The following SP9 variants were observed in gnomAD, a reference collection of about 807,000 sequenced individuals.
SP9 encodes the protein Sp9 transcription factor.
A neutral mutation model predicts 23.0 loss-of-function variants in SP9; 5 were observed. That is an observed-to-expected ratio of 0.22 (90% CI 0.11 to 0.46). The LOEUF (loss-of-function observed/expected upper bound fraction) is 0.46, where lower values mean the gene tolerates loss of function less well. Ranked by LOEUF, SP9 falls within the 20% of genes least tolerant of loss-of-function variation. The pLI, the probability that SP9 is intolerant of heterozygous loss-of-function variation, is 0.99. For missense variants in SP9, 542 were observed against 724.0 expected (o/e 0.75, Z 2.88); for synonymous variants, 360 against 356.5 (o/e 1.01, Z -0.11).
chr2:174,335,343 A>C (rs1242880509), intron 1 of SP9: 5 of 510,258 alleles, frequency 9.8e-6, no homozygotes, highest in Non-Finnish European at 1.8e-5. Flanking sequence ...ATTTGGTTTC[A>C]AAAAAAAGCT....
chr2:174,336,851 G>A lies in SP9; in HGVS notation c.766G>A (p.Ala256Thr). Residue 256 changes from alanine (A) to threonine (T), a missense_variant, in exon 2 of 2, where the codon GCC (alanine) becomes ACC (threonine). Coordinates refer to ENST00000394967, the MANE Select transcript of SP9 (RefSeq NM_001145250.2). ...GCTCTCCACCAGCCAGCACCTGCTG[G>A]CCCAGGACGGCTTCAAGCCGGTGTT... is the stretch of plus-strand genomic sequence containing the variant. ...HLLSTSQHLL[A>T]QDGFKPVLPS... is the part of the protein sequence containing the mutation. 1 of 1,522,932 alleles carries A rather than the reference G, an allele frequency of 6.6e-7. No individual in the cohort carries two copies. The highest frequency in any genetic ancestry group is 1.2e-5 in the South Asian group (1 of 82,624). 94.3% of individuals were successfully genotyped at this position (1,522,932 alleles called of 1,614,324 possible).
At position 174,338,089 on chromosome 2, in the gene SP9, C is replaced by G. The variant is rs1684449586; in HGVS notation, c.*549C>G. On this transcript the variant is annotated 3_prime_UTR_variant, in exon 2 of 2. Transcript: ENST00000394967. ...GGATTATATTATATATAAAATGCTC[C>G]AAGTCCTGCCTGATATCTACTTACA... is the stretch of plus-strand genomic sequence containing the variant. 1 of 152,152 alleles carries G rather than the reference C, an allele frequency of 6.6e-6. No individual in the cohort carries two copies. The highest frequency in any genetic ancestry group is 2.4e-5 in the African/African-American group (1 of 41,432). The allele number at this position is 152,152 out of a possible 1,614,324, so 9.4% of individuals were successfully genotyped here.
Position 174,337,692 on chromosome 2 carries a change from TC to T in SP9, c.*155del, listed in dbSNP as rs1371115396. 2.1e-6 allele frequency: 2 copies of T among 971,582 alleles called. No homozygotes were observed. Among genetic ancestry groups the T allele is most frequent in the African/African-American group, 3.5e-5 (2 of 56,586 alleles). The allele number at this position is 971,582 out of a possible 1,614,324, so 60.2% of individuals were successfully genotyped here. A position where few individuals can be genotyped will look rare whatever the true frequency, so the allele number is the denominator to read the frequency against. ...GGCGCGAGGTGGAGCCGCTCAGGGC[TC>T]CCGGGCTGCGGTTCGCCCGCTGTGC... is the stretch of plus-strand genomic sequence containing the variant. On this transcript the variant is annotated 3_prime_UTR_variant, in exon 2 of 2. Transcript: ENST00000394967.
Position 174,336,716 on chromosome 2 carries a change from G to C in SP9, c.631G>C (p.Ala211Pro). 1 of 1,527,054 alleles carries C rather than the reference G, an allele frequency of 6.5e-7. No individual in the cohort carries two copies. The allele number at this position is 1,527,054 out of a possible 1,614,324, so 94.6% of individuals were successfully genotyped here. The change falls in exon 2 of 2, where the codon GCC becomes CCC. Residue 211 changes from alanine (A) to proline (P), a missense_variant. Around this residue, in one of 8 missense-constraint regions of SP9, gnomAD observed 144 missense variants for 158.7 expected, o/e 0.91. Transcript: ENST00000394967. ...CTCGCTGCACTCGGGCGCCCCCCAG[G>C]CCTCGCTGCACTCGCAGCTGGGCAC... The part of the protein sequence containing the change: ...QSSLHSGAPQ[A>P]SLHSQLGTYN...
At chr2:174,336,034 T>G (rs1414449761) in intron 1 of SP9, 73 bp from the exon 2 acceptor site, 1 of 1,413,642 alleles carries the variant, frequency 7.1e-7, no homozygotes, top group Non-Finnish European at 9.6e-7. Context: ...TGCTCACGGG[T>G]GCACTTTGTT....
At position 174,336,964 on chromosome 2, in the gene SP9, G is replaced by C. The variant is rs1425999243; in HGVS notation, c.879G>C (p.Gly293=). 6 of 1,436,316 alleles carry C rather than the reference G, an allele frequency of 4.2e-6. No homozygotes were observed. In the South Asian group the frequency reaches 7.3e-5, roughly 17 times the overall value. The allele number at this position is 1,436,316 out of a possible 1,614,324, so 89.0% of individuals were successfully genotyped here. A position where few individuals can be genotyped will look rare whatever the true frequency, so the allele number is the denominator to read the frequency against. ...ISGAAAAAAG[G]SSARSARRYS... ...GCGCCGCGGCTGCCGCCGCCGGGGG[G>C]AGCTCGGCACGCTCTGCCCGCCGCT... The change falls in exon 2 of 2, where the codon GGG becomes GGC. Residue 293 remains glycine, a synonymous_variant. Transcript: ENST00000394967.
chr2:174,336,511 C>A lies in SP9; in HGVS notation c.426C>A (p.Ala142=). ...TTTCCAAGGTGCACACGACGGCAGC[C>A]GACGGGCTGTACCCGCGCGTGGGCA... ...AFISKVHTTA[A]DGLYPRVGMA... The change falls in exon 2 of 2, where the codon GCC becomes GCA. Residue 142 remains alanine (A), a synonymous_variant. Coordinates refer to ENST00000394967, the MANE Select transcript of SP9 (RefSeq NM_001145250.2). 1 of 1,465,364 alleles carries A rather than the reference C, an allele frequency of 6.8e-7. No homozygotes were observed. Among genetic ancestry groups the A allele is most frequent in the Non-Finnish European group, 9.0e-7 (1 of 1,111,888 alleles). 90.8% of individuals were successfully genotyped at this position (1,465,364 alleles called of 1,614,324 possible).
Position 174,337,408 on chromosome 2 carries a change from C to T in SP9, c.1323C>T (p.Pro441=). The change falls in exon 2 of 2, where the codon CCC becomes CCT. Residue 441 remains proline, a synonymous_variant. Coordinates refer to ENST00000394967, the MANE Select transcript of SP9 (RefSeq NM_001145250.2). ...TGGAGACGCCCCGTTCCGAATCCCC[C>T]GACCTCATCCTGCATGACTCCGGCG... ...SNLETPRSES[P]DLILHDSGVS... 1 of 1,545,518 alleles carries T rather than the reference C, an allele frequency of 6.5e-7. No individual in the cohort carries two copies. Among genetic ancestry groups the T allele is most frequent in the South Asian group, 1.2e-5 (1 of 83,422 alleles).
chr2:174,334,971 G>A lies in SP9; in HGVS notation c.-122G>A. ...CTTAGGCTGAGTTTAGCCGGCGGGA[G>A]CCTGGAGTCCGCTCGGCACGAGCGC... is the stretch of plus-strand genomic sequence containing the variant. On this transcript the variant is annotated 5_prime_UTR_variant, in exon 1 of 2. Coordinates refer to ENST00000394967, the MANE Select transcript of SP9 (RefSeq NM_001145250.2). The A allele has an allele frequency of 8.6e-7, 1 of 1,163,094 alleles. No homozygotes were observed. Among genetic ancestry groups the A allele is most frequent in the Non-Finnish European group, 1.2e-6 (1 of 806,112 alleles). The allele number at this position is 1,163,094 out of a possible 1,614,324, so 72.0% of individuals were successfully genotyped here.
rs34763941 is a variant in SP9 at position 174,337,686 on chromosome 2, C to T, written c.*146C>T. The T allele has an allele frequency of 0.032, 31,346 of 983,422 alleles. 624 individuals are homozygous for T. Among genetic ancestry groups the T allele is most frequent in the South Asian group, 0.09 (1,883 of 21,032 alleles). The allele number at this position is 983,422 out of a possible 1,614,324, so 60.9% of individuals were successfully genotyped here. On this transcript the variant is annotated 3_prime_UTR_variant, in exon 2 of 2. Coordinates refer to ENST00000394967, the MANE Select transcript of SP9 (RefSeq NM_001145250.2). Reference sequence around the variant, plus strand: ...GGGCTGGGCGCGAGGTGGAGCCGCTCAGGGCTCCCGGGCTGCGGTTCGCCC... The same window carrying T: ...GGGCTGGGCGCGAGGTGGAGCCGCTTAGGGCTCCCGGGCTGCGGTTCGCCC...
In SP9 at chr2:174,336,241, C is replaced by T; in HGVS notation, c.156C>T (p.Arg52=). 1 of 1,547,522 alleles carries T rather than the reference C, an allele frequency of 6.5e-7. No individual in the cohort carries two copies. Among genetic ancestry groups the T allele is most frequent in the Non-Finnish European group, 8.7e-7 (1 of 1,145,494 alleles). ...FAKGGFHPWK[R]SSSSCNLGSS... Reference sequence around the variant, plus strand: ...AAGGCGGCTTTCACCCCTGGAAGCGCTCCTCGTCCAGCTGCAACCTCGGCT... The same window carrying T: ...AAGGCGGCTTTCACCCCTGGAAGCGTTCCTCGTCCAGCTGCAACCTCGGCT... The change falls in exon 2 of 2, where the codon CGC becomes CGT. Residue 52 remains arginine (R), a synonymous_variant. Coordinates refer to ENST00000394967, the MANE Select transcript of SP9 (RefSeq NM_001145250.2).
Position 174,337,269 on chromosome 2 carries a change from C to T in SP9, c.1184C>T (p.Pro395Leu), listed in dbSNP as rs1159851267. 5 of 1,563,040 alleles carry T rather than the reference C, an allele frequency of 3.2e-6. No homozygotes were observed. Among genetic ancestry groups the T allele is most frequent in the East Asian group, 2.4e-5 (1 of 41,596 alleles). Residue 395 changes from proline to leucine, a missense_variant, in exon 2 of 2, where the codon CCG becomes CTG. Physicochemically the swap from Pro to Leu is moderately conservative, Grantham distance 98 (BLOSUM62 -3). Transcript: ENST00000394967. ...ACGGGCGAGAAGCGCTTCGCCTGTC[C>T]GGTGTGCAACAAGCGCTTCATGCGC... is the stretch of plus-strand genomic sequence containing the variant. ...THTGEKRFAC[P>L]VCNKRFMRSD...
chr2:174,335,958 G>C, intron 1 of SP9, 149 bp from the exon 2 acceptor site: 1 of 709,012 alleles, frequency 1.4e-6, no homozygotes, highest in Non-Finnish European at 2.3e-6. Flanking sequence ...TCCTCCGCGG[G>C]CGCGTGGGGA....
Position 174,338,389 on chromosome 2 carries a change from TCA to T in SP9, c.*852_*853del, listed in dbSNP as rs965771571. ...TTAAAATGTTGAGTTATCATTTCAC[TCA>T]CAAACACGTAAGTTAAGGTCATCTA... On this transcript the variant is annotated 3_prime_UTR_variant, in exon 2 of 2. Transcript: ENST00000394967. 6.6e-6 allele frequency: 1 copy of T among 152,224 alleles called. No individual in the cohort carries two copies. The highest frequency in any genetic ancestry group is 2.4e-5 in the African/African-American group (1 of 41,466). 9.4% of individuals were successfully genotyped at this position (152,224 alleles called of 1,614,324 possible). A position where few individuals can be genotyped will look rare whatever the true frequency, so the allele number is the denominator to read the frequency against.
chr2:174,336,491 A>G lies in SP9; in HGVS notation c.406A>G (p.Lys136Glu). The G allele has an allele frequency of 6.7e-7, 1 of 1,482,526 alleles. No homozygotes were observed. The allele number at this position is 1,482,526 out of a possible 1,614,324, so 91.8% of individuals were successfully genotyped here. Residue 136 changes from lysine (K) to glutamate (E), a missense_variant, in exon 2 of 2, where the codon AAG becomes GAG. By Grantham distance (56) the Lys-to-Glu change is moderately conservative. Transcript: ENST00000394967. ...GGGTGGCCAGTCGGCCTTCATTTCC[A>G]AGGTGCACACGACGGCAGCCGACGG... Reference protein sequence around the residue: ...EAGGQSAFISKVHTTAADGLY... With the variant: ...EAGGQSAFISEVHTTAADGLY...
chr2:174,336,828 T>C lies in SP9; in HGVS notation c.743T>C (p.Leu248Pro). ...TCCGCCGCCGCCGCCTCCCACCTGC[T>C]CTCCACCAGCCAGCACCTGCTGGCC... is the stretch of plus-strand genomic sequence containing the variant. ...GSSAAAASHL[L>P]STSQHLLAQD... The change falls in exon 2 of 2, where the codon CTC becomes CCC. Residue 248 changes from leucine (L) to proline (P), a missense_variant. Around this residue, in one of 8 missense-constraint regions of SP9, gnomAD observed 144 missense variants for 158.7 expected, o/e 0.91. Transcript: ENST00000394967. 6.5e-7 allele frequency: 1 copy of C among 1,527,274 alleles called. No individual in the cohort carries two copies. The highest frequency in any genetic ancestry group is 8.7e-7 in the Non-Finnish European group (1 of 1,143,128). 94.6% of individuals were successfully genotyped at this position (1,527,274 alleles called of 1,614,324 possible).
chr2:174,335,188 G>C, intron 1 of SP9, 75 bp downstream of exon 1: 1 of 1,487,978 alleles, frequency 6.7e-7, no homozygotes, highest in Admixed American at 2.0e-5. Flanking sequence ...TGGGGTCTGC[G>C]GCTCCGGAGA....
chr2:174,336,727 C>T lies in SP9; in HGVS notation c.642C>T (p.His214=). ...CGGGCGCCCCCCAGGCCTCGCTGCACTCGCAGCTGGGCACCTACAACCCCG... is the reference window on the plus strand; with the variant it reads ...CGGGCGCCCCCCAGGCCTCGCTGCATTCGCAGCTGGGCACCTACAACCCCG... The part of the protein sequence containing the change: ...LHSGAPQASL[H]SQLGTYNPDF... Residue 214 remains histidine (H), a synonymous_variant, in exon 2 of 2, where the codon CAC becomes CAT. Transcript: ENST00000394967. The T allele has an allele frequency of 1.3e-6, 2 of 1,528,998 alleles. No individual in the cohort carries two copies. The highest frequency in any genetic ancestry group is 1.7e-6 in the Non-Finnish European group (2 of 1,143,904). 94.7% of individuals were successfully genotyped at this position (1,528,998 alleles called of 1,614,324 possible).
chr2:174,337,449 C>A lies in SP9; in HGVS notation c.1364C>A (p.Ala455Glu). The A allele has an allele frequency of 8.0e-7, 1 of 1,247,282 alleles. No individual in the cohort carries two copies. The highest frequency in any genetic ancestry group is 1.0e-6 in the Non-Finnish European group (1 of 982,140). The allele number at this position is 1,247,282 out of a possible 1,614,324, so 77.3% of individuals were successfully genotyped here. A position where few individuals can be genotyped will look rare whatever the true frequency, so the allele number is the denominator to read the frequency against. Residue 455 changes from alanine to glutamate, a missense_variant, in exon 2 of 2, where the codon GCG becomes GAG. Transcript: ENST00000394967. ...GACTCCGGCGTCAGTGCCGCCCGGG[C>A]GGCGGCAGCGGCGGCGGCGGCAGCG... ...LHDSGVSAAR[A>E]AAAAAAAAAA...
Sources: gnomAD v4.1 joint callset for allele counts on GRCh38, gnomAD v4.1.1 for gene constraint, gnomAD v4.1.1 regional missense constraint, MANE v1.5 for transcripts, NCBI Gene and HGNC (gene_info 2026-07-23, HGNC 2026-07-21) for gene names.